The following JADE3 variants were observed in gnomAD, a reference collection of about 807,000 sequenced individuals.
JADE3 encodes jade family PHD finger 3.
In JADE3, 2 loss-of-function variants were observed where a neutral mutation model predicts 50.1. The ratio of observed to expected loss-of-function variants is 0.04; its 90% CI spans 0.02 to 0.13. The LOEUF (loss-of-function observed/expected upper bound fraction) is 0.13, where lower values mean the gene tolerates loss of function less well. Ranked by LOEUF, JADE3 falls within the 10% of genes least tolerant of loss-of-function variation. JADE3 has a pLI of 1.00. For missense variants in JADE3, 475 were observed against 634.4 expected (o/e 0.75, Z 2.70); for synonymous variants, 218 against 232.9 (o/e 0.94, Z 0.58).
chrX:47,003,677 A>G (rs1235542127), intron 4 of JADE3, among the ~76,000 whole-genome samples: 3 of 100,305 alleles, frequency 3.0e-5, no homozygotes, highest in Non-Finnish European at 5.9e-5. Flanking sequence ...TATTATAATT[A>G]ATGTATATGT....
chrX:46,999,170 T>A (rs1928211473), intron 4 of JADE3, among the ~76,000 whole-genome samples: 1 of 109,867 alleles, frequency 9.1e-6, no homozygotes, highest in South Asian at 3.8e-4. Flanking sequence ...AAGCTCACTT[T>A]TATGATGACC....
intron 5 of JADE3, among the ~76,000 whole-genome samples, chrX:47,025,243 T>G (rs1928882754): frequency 8.9e-6 from 1 of 111,919 alleles, no homozygotes; most frequent in African/African-American, 3.3e-5. Flanking sequence ...TGATTGGACT[T>G]CTGGTTGAGA....
At chrX:46,970,080 AG>A (rs1234618797) in intron 1 of JADE3, among the ~76,000 whole-genome samples, 1 of 112,255 alleles carries the variant, frequency 8.9e-6, no homozygotes, top group Non-Finnish European at 1.9e-5. Context: ...CTTCCAAAAG[AG>A]AGATTCTGAC....
chrX:47,019,998 C>T (rs1928759755), intron 4 of JADE3, among the ~76,000 whole-genome samples: 1 of 112,210 alleles, frequency 8.9e-6, no homozygotes, highest in Non-Finnish European at 1.9e-5. Flanking sequence ...TCTGGGCTTG[C>T]GAGCTTTTGC....
intron 1 of JADE3, among the ~76,000 whole-genome samples, chrX:46,924,060 A>G (rs1347615886): frequency 2.7e-5 from 3 of 111,664 alleles, no homozygotes; most frequent in Non-Finnish European, 5.7e-5. Flanking sequence ...TTCTCCAACC[A>G]TGGGTTTCAA....
chrX:47,003,647 T>TTATA (rs781997280), intron 4 of JADE3, among the ~76,000 whole-genome samples: 7 of 100,620 alleles, frequency 7.0e-5, no homozygotes, highest in African/African-American at 2.5e-4. Flanking sequence ...AGATATAAAT[T>TTATA]TATATATATA....
chrX:47,038,732 C>G (rs1248430064), intron 7 of JADE3, among the ~76,000 whole-genome samples: 1 of 109,487 alleles, frequency 9.1e-6, no homozygotes, highest in Non-Finnish European at 1.9e-5. Flanking sequence ...CCTGCTCTCT[C>G]ATCCCATATG....
intron 7 of JADE3, among the ~76,000 whole-genome samples, chrX:47,038,654 TA>T (rs567645944): frequency 3.8e-4 from 28 of 73,055 alleles, no homozygotes; most frequent in Admixed American, 4.9e-4. Flanking sequence ...ACCTTGTCTC[TA>T]AAAAAAAAAA....
At chrX:46,984,377 G>A (rs1927819689) in intron 1 of JADE3, among the ~76,000 whole-genome samples, 1 of 112,405 alleles carries the variant, frequency 8.9e-6, no homozygotes, top group Admixed American at 9.4e-5. Flanking sequence ...CAGGAAGAGA[G>A]TGAGAGAGGG....
At chrX:47,012,319 C>T (rs1556361856) in intron 4 of JADE3, among the ~76,000 whole-genome samples, 1 of 111,406 alleles carries the variant, frequency 9.0e-6, no homozygotes, top group African/African-American at 3.3e-5. Context: ...CAGTGACTCA[C>T]ACCTGTAATC....
intron 1 of JADE3, among the ~76,000 whole-genome samples, chrX:46,969,553 G>A (rs1325940755): frequency 1.8e-5 from 2 of 110,739 alleles, no homozygotes; most frequent in African/African-American, 3.3e-5. Context: ...ATCAAAACTC[G>A]TGGCAGGGCG....
intron 1 of JADE3, among the ~76,000 whole-genome samples, chrX:46,924,460 G>C (rs1018604100): frequency 1.8e-5 from 2 of 112,378 alleles, no homozygotes; most frequent in East Asian, 5.5e-4. Context: ...TTGAAGAAAA[G>C]TAGTTGCTTT....
chrX:46,927,437 G>A (rs1360008676), intron 1 of JADE3, among the ~76,000 whole-genome samples: 1 of 112,026 alleles, frequency 8.9e-6, no homozygotes, highest in Non-Finnish European at 1.9e-5. Context: ...CCTCAGTGGT[G>A]AAAAGGTTTA....
chrX:46,942,832 T>C (rs1926793833), intron 1 of JADE3, among the ~76,000 whole-genome samples: 1 of 112,400 alleles, frequency 8.9e-6, no homozygotes. Context: ...TTCCAATCCA[T>C]GAGCATGGCA....
intron 1 of JADE3, among the ~76,000 whole-genome samples, chrX:46,922,956 A>G (rs1297156858): frequency 9.0e-6 from 1 of 111,552 alleles, no homozygotes; most frequent in Non-Finnish European, 1.9e-5. Context: ...TTTGGAGAAG[A>G]ACATATTTAT....
chrX:46,932,666 C>T (rs1926522279), intron 1 of JADE3, among the ~76,000 whole-genome samples: 1 of 111,887 alleles, frequency 8.9e-6, no homozygotes, highest in Admixed American at 9.5e-5. Flanking sequence ...CCATTACTGA[C>T]TGTTGGTTTT....
At chrX:47,024,195 A>G (rs1344667041) in intron 4 of JADE3, among the ~76,000 whole-genome samples, 6 of 112,523 alleles carry the variant, frequency 5.3e-5, no homozygotes, top group African/African-American at 1.9e-4. Flanking sequence ...TTTTATTAGA[A>G]TGAATGGGCC....
intron 1 of JADE3, among the ~76,000 whole-genome samples, chrX:46,958,962 AG>A (rs1410996915): frequency 1.8e-5 from 2 of 111,837 alleles, no homozygotes; most frequent in South Asian, 7.4e-4. Context: ...AGGAACTGTA[AG>A]GACTCCCTAG....
chrX:47,052,106 A>C (rs1203641324), intron 8 of JADE3, among the ~76,000 whole-genome samples: 6 of 111,455 alleles, frequency 5.4e-5, no homozygotes, highest in Non-Finnish European at 9.4e-5. Flanking sequence ...TCAATCAGTC[A>C]GTCTTTGGAA....
Sources: gnomAD v4.1 joint callset for allele counts (sites outside exome capture counted in the v4.1 genomes callset) on GRCh38, gnomAD v4.1.1 for gene constraint, MANE v1.5 for transcripts, NCBI Gene and HGNC (gene_info 2026-07-23, HGNC 2026-07-21) for gene names.